Variants in HNMT observed in about 807,000 individuals in gnomAD.
The protein encoded by HNMT is histamine N-methyltransferase.
Under a neutral mutation model 32.1 loss-of-function variants are expected in HNMT, and 30 were observed. That is an observed-to-expected ratio of 0.93 (90% CI 0.70 to 1.27). The LOEUF is 1.27. Among genes scored for constraint, HNMT ranks in the 50% most tolerant of loss-of-function variants. The probability of loss-of-function intolerance (pLI) is 0.00; values close to 1 mark genes in which losing one functional copy is unlikely to be tolerated. For synonymous variants in HNMT, 125 were observed against 119.0 expected (o/e 1.05, Z -0.33); for missense variants, 327 against 346.0 (o/e 0.95, Z 0.43).
In HNMT at chr2:137,980,533, T is replaced by C. The variant is rs115388301; in HGVS notation, c.190+10316T>C. On this transcript the variant is annotated intron_variant, in intron 2 of 5. Transcript: ENST00000280097. The stretch of plus-strand genomic sequence containing the variant: ...TTTCTTGAGGTATTTGTTGTATCTT[T>C]TCTGAGTTTTCCATCAAATATCTGT... Among the ~76,000 whole-genome samples the C allele has an allele frequency of 1.5e-3, 231 of 152,284 alleles. 1 individual carries two copies. The highest frequency in any genetic ancestry group is 5.4e-3 in the African/African-American group (223 of 41,558).
chr2:137,970,736 C>T (rs567567740), intron 2 of HNMT, among the ~76,000 whole-genome samples: 22 of 151,728 alleles, frequency 1.4e-4, no homozygotes, highest in African/African-American at 3.6e-4. Flanking sequence ...CTGGCTAACG[C>T]GGTGAAACCC....
At chr2:137,981,281 C>G (rs555381356) in intron 2 of HNMT, 3 of 1,613,470 alleles carry the variant, frequency 1.9e-6, no homozygotes, top group African/African-American at 1.3e-5. Flanking sequence ...GTGTAGCACC[C>G]GTCAGAAAGA....
intron 2 of HNMT, among the ~76,000 whole-genome samples, chr2:137,984,599 A>G (rs1680597139): frequency 6.6e-6 from 1 of 152,206 alleles, no homozygotes. Flanking sequence ...ATAGCATGCA[A>G]AATTCCCAAA....
rs192527213 is a variant in HNMT at position 137,992,709 on chromosome 2, T to C, written c.191-8209T>C. ...GAGGCACTGTGTTAAACAGGTTCTGTTCCCCATGCCACCCAACTGGGTGAG... is the reference window on the plus strand; with the variant it reads ...GAGGCACTGTGTTAAACAGGTTCTGCTCCCCATGCCACCCAACTGGGTGAG... On this transcript the variant is annotated intron_variant, in intron 2 of 5. Transcript: ENST00000280097. 1.6e-4 allele frequency among the ~76,000 whole-genome samples: 24 copies of C among 152,300 alleles called. No homozygotes were observed. The East Asian group carries it at 2.9e-3, about 18-fold the overall frequency.
chr2:138,009,800 T>G (rs1681438778), intron 5 of HNMT, among the ~76,000 whole-genome samples: 1 of 152,074 alleles, frequency 6.6e-6, no homozygotes, highest in Non-Finnish European at 1.5e-5. Flanking sequence ...AGAAAACAAG[T>G]TTGAGAAACC....
intron 2 of HNMT, among the ~76,000 whole-genome samples, chr2:137,993,100 T>A (rs923417699): frequency 6.6e-6 from 1 of 152,046 alleles, no homozygotes; most frequent in East Asian, 1.9e-4. Context: ...CAAGAAAGAA[T>A]CAATGAAACA....
intron 5 of HNMT, among the ~76,000 whole-genome samples, chr2:138,005,629 T>A (rs187853763): frequency 1.2e-4 from 19 of 152,216 alleles, no homozygotes; most frequent in Admixed American, 1.0e-3. Flanking sequence ...CTATTTCAGA[T>A]GTCATCATTT....
chr2:137,966,385 A>T (rs1377463534), intron 1 of HNMT, among the ~76,000 whole-genome samples: 3 of 152,198 alleles, frequency 2.0e-5, no homozygotes, highest in African/African-American at 7.2e-5. Flanking sequence ...CATAATTCAA[A>T]ATAACATGTT....
intron 5 of HNMT, among the ~76,000 whole-genome samples, chr2:138,011,470 A>G (rs1681501725): frequency 6.6e-6 from 1 of 152,122 alleles, no homozygotes; most frequent in African/African-American, 2.4e-5. Context: ...TAAGTAGAAC[A>G]TCAATTATCC....
intron 4 of HNMT, 55 bp from the exon 5 acceptor site, chr2:138,005,077 C>A: frequency 2.1e-6 from 2 of 952,168 alleles, no homozygotes; most frequent in Non-Finnish European, 3.4e-6. Flanking sequence ...CTAGCCCAAG[C>A]AATAAAGACT....
intron 1 of HNMT, among the ~76,000 whole-genome samples, chr2:137,967,853 A>C (rs960185102): frequency 6.6e-6 from 1 of 152,090 alleles, no homozygotes. Context: ...CTTCTTATTC[A>C]TTACAAAATG....
chr2:137,994,467 G>A (rs1245839933), intron 2 of HNMT, among the ~76,000 whole-genome samples: 5 of 152,158 alleles, frequency 3.3e-5, no homozygotes, highest in African/African-American at 1.2e-4. Context: ...TCAACAAGAA[G>A]AGCTAACTAT....
At chr2:137,981,278 A>T (rs980299971) in intron 2 of HNMT, 1 of 1,613,376 alleles carries the variant, frequency 6.2e-7, no homozygotes, top group South Asian at 1.1e-5. Context: ...TTTGTGTAGC[A>T]CCCGTCAGAA....
Position 137,966,672 on chromosome 2 carries a change from C to T in HNMT, c.137+2044C>T, listed in dbSNP as rs570194389. ...CATGTACCTATTACTATTTTGATCC[C>T]CAAGCAGATATATTAATCTCCTCTC... is the stretch of plus-strand genomic sequence containing the variant. On this transcript the variant is annotated intron_variant, in intron 1 of 5. Coordinates refer to ENST00000280097, the MANE Select transcript of HNMT (RefSeq NM_006895.3). 3.3e-5 allele frequency among the ~76,000 whole-genome samples: 5 copies of T among 152,136 alleles called. No individual in the cohort carries two copies. In the East Asian group the frequency reaches 7.7e-4, roughly 24 times the overall value.
Position 137,964,599 on chromosome 2 carries a change from G to A in HNMT, c.108G>A (p.Met36Ile), listed in dbSNP as rs1679896372. The change falls in exon 1 of 6, where the codon ATG (methionine) becomes ATA (isoleucine). Residue 36 changes from methionine to isoleucine, a missense_variant. Coordinates refer to ENST00000280097, the MANE Select transcript of HNMT (RefSeq NM_006895.3). ...AACACCAGTGCATGCAGGAATTCAT[G>A]GACAAGAAGCTGCCAGGCATAATAG... ...STEHQCMQEF[M>I]DKKLPGIIGR... The A allele has an allele frequency of 6.2e-7, 1 of 1,613,814 alleles. No individual in the cohort carries two copies. The highest frequency in any genetic ancestry group is 8.5e-7 in the Non-Finnish European group (1 of 1,179,782).
Position 138,014,320 on chromosome 2 carries a change from T to C in HNMT, c.*190T>C. On this transcript the variant is annotated 3_prime_UTR_variant, in exon 6 of 6. Transcript: ENST00000280097. The stretch of plus-strand genomic sequence containing the variant: ...ATATGGGATACTGCTGGTCTTATCC[T>C]GTCCCTCCTCCAGGTAGAGAGACCA... 2.1e-6 allele frequency: 1 copy of C among 487,318 alleles called. No individual in the cohort carries two copies. Among genetic ancestry groups the C allele is most frequent in the East Asian group, 3.0e-5 (1 of 33,200 alleles). 30.2% of individuals were successfully genotyped at this position (487,318 alleles called of 1,614,324 possible). A position where few individuals can be genotyped will look rare whatever the true frequency, so the allele number is the denominator to read the frequency against.
In HNMT at chr2:138,014,195, C is replaced by A; in HGVS notation, c.*65C>A. ...ACAACTCGAATCACTCATTTATTTCCATATTAAAATCACAAACTCATCCAT... is the reference window on the plus strand; with the variant it reads ...ACAACTCGAATCACTCATTTATTTCAATATTAAAATCACAAACTCATCCAT... On this transcript the variant is annotated 3_prime_UTR_variant, in exon 6 of 6. Coordinates refer to ENST00000280097, the MANE Select transcript of HNMT (RefSeq NM_006895.3). The A allele has an allele frequency of 9.4e-7, 1 of 1,060,866 alleles. No homozygotes were observed. The highest frequency in any genetic ancestry group is 1.4e-6 in the Non-Finnish European group (1 of 732,494). 65.7% of individuals were successfully genotyped at this position (1,060,866 alleles called of 1,614,324 possible).
chr2:138,002,575 T>G (rs889113870), intron 4 of HNMT: 2 of 205,644 alleles, frequency 9.7e-6, no homozygotes, highest in African/African-American at 4.7e-5. Flanking sequence ...AGCTTCCTGG[T>G]TAGTTGAGAC....
At chr2:137,967,010 A>G (rs953265735) in intron 1 of HNMT, 22 of 771,708 alleles carry the variant, frequency 2.9e-5, no homozygotes, top group Non-Finnish European at 5.1e-5. Flanking sequence ...CCTTGGTTCT[A>G]TGTTAATCGT....
Sources: allele counts gnomAD v4.1 joint callset (sites outside exome capture counted in the v4.1 genomes callset), GRCh38; gene constraint gnomAD v4.1.1; transcripts MANE v1.5; gene names NCBI Gene and HGNC (gene_info 2026-07-23, HGNC 2026-07-21).